Variants in MEI4 observed in about 807,000 individuals in gnomAD.
MEI4 encodes meiotic double-stranded break formation protein 4.
In MEI4, 27 loss-of-function variants were observed where a neutral mutation model predicts 31.4. That is an observed-to-expected ratio of 0.86 (90% CI 0.63 to 1.19). The LOEUF is 1.19. MEI4 is among the 50% of genes most tolerant of loss of function. The pLI, the probability that MEI4 is intolerant of heterozygous loss-of-function variation, is 0.00. For missense variants in MEI4, 329 were observed against 398.9 expected (o/e 0.82, Z 1.49); for synonymous variants, 122 against 145.4 (o/e 0.84, Z 1.16).
At chr6:77,781,054 T>G (rs1157249284) in intron 3 of MEI4, among the ~76,000 whole-genome samples, 2 of 152,044 alleles carry the variant, frequency 1.3e-5, no homozygotes, top group African/African-American at 4.8e-5. Context: ...GCTCAGCTAA[T>G]TTTTAAAACA....
intron 4 of MEI4, among the ~76,000 whole-genome samples, chr6:77,877,062 T>C (rs1285176412): frequency 6.6e-6 from 1 of 152,152 alleles, no homozygotes; most frequent in Non-Finnish European, 1.5e-5. Context: ...AGAAGTATAA[T>C]GTGCAACATT....
At chr6:77,885,975 T>C (rs1302899288) in intron 4 of MEI4, among the ~76,000 whole-genome samples, 1 of 152,188 alleles carries the variant, frequency 6.6e-6, no homozygotes, top group Non-Finnish European at 1.5e-5. Context: ...GATTTGTGTA[T>C]GTTGCATTAT....
At chr6:77,903,100 G>A (rs978324486) in intron 4 of MEI4, among the ~76,000 whole-genome samples, 1 of 152,012 alleles carries the variant, frequency 6.6e-6, no homozygotes, top group African/African-American at 2.4e-5. Flanking sequence ...AACAGAGATG[G>A]TTTAACTTCT....
intron 1 of MEI4, among the ~76,000 whole-genome samples, chr6:77,663,501 G>C (rs898199136): frequency 2.0e-5 from 3 of 152,144 alleles, no homozygotes; most frequent in African/African-American, 7.2e-5. Flanking sequence ...CAGGGAAGCA[G>C]ATAATTTAGT....
At chr6:77,909,068 C>G (rs13204953) in intron 4 of MEI4, among the ~76,000 whole-genome samples, 43,264 of 151,946 alleles carry the variant, frequency 0.28, 6,839 homozygotes, top group South Asian at 0.38. Flanking sequence ...CAGCACCACA[C>G]CACACCTATT....
chr6:77,908,818 T>C (rs4706664), intron 4 of MEI4, among the ~76,000 whole-genome samples: 125,608 of 152,062 alleles, frequency 0.83, 52,394 homozygotes, highest in East Asian at 0.95. Flanking sequence ...AATATATATG[T>C]ACCCAATACA....
intron 2 of MEI4, among the ~76,000 whole-genome samples, chr6:77,746,565 G>A (rs1767611298): frequency 6.6e-6 from 1 of 152,008 alleles, no homozygotes; most frequent in Non-Finnish European, 1.5e-5. Context: ...CTTGCTGACT[G>A]CAGATCTTGG....
intron 3 of MEI4, among the ~76,000 whole-genome samples, chr6:77,801,096 A>T (rs1769242440): frequency 6.6e-6 from 1 of 152,186 alleles, no homozygotes; most frequent in Non-Finnish European, 1.5e-5. Context: ...CCTCTGGTAG[A>T]ATTCGGCTGT....
intron 4 of MEI4, 52 bp from the exon 5 acceptor site, chr6:77,923,037 T>C: frequency 9.0e-7 from 1 of 1,111,882 alleles, no homozygotes; most frequent in Non-Finnish European, 1.1e-6. Context: ...ATGACATTTT[T>C]CTTAGGTAAT....
intron 4 of MEI4, among the ~76,000 whole-genome samples, chr6:77,921,330 C>T (rs1766697772): frequency 1.3e-5 from 2 of 151,828 alleles, no homozygotes; most frequent in South Asian, 2.1e-4. Flanking sequence ...TGTTCTGTAG[C>T]TTCCTCACTT....
intron 4 of MEI4, among the ~76,000 whole-genome samples, chr6:77,864,753 T>C (rs1248431875): frequency 1.3e-5 from 2 of 152,124 alleles, no homozygotes; most frequent in African/African-American, 4.8e-5. Context: ...TAAAGAACTC[T>C]CCACCCCAAA....
At chr6:77,880,357 C>G (rs991910038) in intron 4 of MEI4, among the ~76,000 whole-genome samples, 2 of 151,664 alleles carry the variant, frequency 1.3e-5, no homozygotes, top group African/African-American at 4.8e-5. Flanking sequence ...CAGCCTCCTG[C>G]GTAGCTGGGA....
chr6:77,917,565 T>A (rs1169607591), intron 4 of MEI4, among the ~76,000 whole-genome samples: 1 of 125,020 alleles, frequency 8.0e-6, no homozygotes, highest in Non-Finnish European at 1.6e-5. Context: ...TGCATAAGTG[T>A]CTTCTTTTGA....
chr6:77,918,550 C>G (rs1259135883), intron 4 of MEI4, among the ~76,000 whole-genome samples: 1 of 147,642 alleles, frequency 6.8e-6, no homozygotes, highest in Non-Finnish European at 1.5e-5. Flanking sequence ...GGAGTTCACT[C>G]ATGATTTGGC....
intron 2 of MEI4, among the ~76,000 whole-genome samples, chr6:77,728,965 G>A (rs1766900103): frequency 6.6e-6 from 1 of 152,196 alleles, no homozygotes; most frequent in African/African-American, 2.4e-5. Context: ...CCATAAGGGA[G>A]GTGATAATGG....
upstream of MEI4, among the ~76,000 whole-genome samples, chr6:77,652,420 G>A (rs1290171580): frequency 1.3e-5 from 2 of 152,160 alleles, no homozygotes; most frequent in Non-Finnish European, 2.9e-5. Context: ...TGTCATTTGC[G>A]ACCTAGGTCA....
At chr6:77,734,119 A>G (rs1260822337) in intron 2 of MEI4, among the ~76,000 whole-genome samples, 1 of 151,862 alleles carries the variant, frequency 6.6e-6, no homozygotes, top group Non-Finnish European at 1.5e-5. Flanking sequence ...TTTGGGGTGG[A>G]GAGTTCTGTA....
At chr6:77,788,185 T>C (rs983000895) in intron 3 of MEI4, among the ~76,000 whole-genome samples, 1 of 152,158 alleles carries the variant, frequency 6.6e-6, no homozygotes, top group African/African-American at 2.4e-5. Context: ...AGAAAAGGCC[T>C]TTGACAAAAT....
chr6:77,743,719 C>T (rs924917129), intron 2 of MEI4, among the ~76,000 whole-genome samples: 5 of 152,218 alleles, frequency 3.3e-5, no homozygotes, highest in Admixed American at 6.5e-5. Flanking sequence ...AGGCACCCCC[C>T]AGTAGGGGCA....
Sources: gnomAD v4.1 joint callset for allele counts (sites outside exome capture counted in the v4.1 genomes callset) on GRCh38, gnomAD v4.1.1 for gene constraint, MANE v1.5 for transcripts, NCBI Gene and HGNC (gene_info 2026-07-23, HGNC 2026-07-21) for gene names.